KIF5C: variants seen among roughly 807,000 people sequenced by gnomAD.
KIF5C encodes kinesin heavy chain isoform 5C.
Under a neutral mutation model 125.2 loss-of-function variants are expected in KIF5C, and 18 were observed. The ratio of observed to expected loss-of-function variants is 0.14; its 90% CI spans 0.10 to 0.21. KIF5C has a LOEUF of 0.21. Among genes scored for constraint, KIF5C ranks in the 10% least tolerant of loss-of-function variants. The pLI is 1.00. For synonymous variants in KIF5C, 405 were observed against 434.0 expected (o/e 0.93, Z 0.83); for missense variants, 780 against 1,183.8 (o/e 0.66, Z 5.01).
chr2:148,981,350 C>T lies in KIF5C; in HGVS notation c.1363-5C>T, dbSNP rs1221558510. On this transcript the variant is annotated splice_region_variant and splice_polypyrimidine_tract_variant and intron_variant, in intron 13 of 25. Transcript: ENST00000435030. Reference sequence around the variant, plus strand: ...CACAAGTTCCATGCCATCTCATTTCCCCAGCTTTTAGCTTCCACAAGAAGA... The same window carrying T: ...CACAAGTTCCATGCCATCTCATTTCTCCAGCTTTTAGCTTCCACAAGAAGA... The T allele has an allele frequency of 1.2e-6, 2 of 1,604,730 alleles. No homozygotes were observed. The highest frequency in any genetic ancestry group is 1.7e-6 in the Non-Finnish European group (2 of 1,176,072).
Position 148,875,587 on chromosome 2 carries a change from T to TCC in KIF5C, c.-28_-27dup. On this transcript the variant is annotated 5_prime_UTR_variant, in exon 1 of 26. Transcript: ENST00000435030. ...GTTCCCGGCCCCGGCCCCCCACCCA[T>TCC]CCCCGTGCCCCCTCCCTACCGCCGG... 21 of 366,896 alleles carry TCC rather than the reference T, an allele frequency of 5.7e-5. No homozygotes were observed. Among genetic ancestry groups the TCC allele is most frequent in the Admixed American group, 4.0e-4 (9 of 22,572 alleles). The allele number at this position is 366,896 out of a possible 1,614,324, so 22.7% of individuals were successfully genotyped here. A position where few individuals can be genotyped will look rare whatever the true frequency, so the allele number is the denominator to read the frequency against.
chr2:148,976,726 C>T (rs988811636), intron 12 of KIF5C, among the ~76,000 whole-genome samples: 1 of 151,324 alleles, frequency 6.6e-6, no homozygotes, highest in Non-Finnish European at 1.5e-5. Flanking sequence ...AGGCACATAC[C>T]ACCACACTCA....
chr2:149,007,142 C>A (rs73962807), intron 22 of KIF5C, among the ~76,000 whole-genome samples: 8,616 of 152,256 alleles, frequency 0.057, 823 homozygotes, highest in African/African-American at 0.19. Flanking sequence ...TAAGTCTCAA[C>A]AAACCCTCCC....
chr2:148,878,847 T>G (rs938057493), intron 1 of KIF5C: 1 of 152,164 alleles, frequency 6.6e-6, no homozygotes. Flanking sequence ...CAGAGACAAG[T>G]AAAGAATGAA....
At chr2:148,982,620 A>G (rs185641552) in intron 14 of KIF5C, among the ~76,000 whole-genome samples, 2 of 152,356 alleles carry the variant, frequency 1.3e-5, no homozygotes, top group East Asian at 3.9e-4. Context: ...TTTAAAAACA[A>G]GATGACATAA....
chr2:149,015,551 A>G (rs1682335019), intron 25 of KIF5C, among the ~76,000 whole-genome samples: 1 of 152,230 alleles, frequency 6.6e-6, no homozygotes, highest in South Asian at 2.1e-4. Context: ...TCAGGGTTCA[A>G]GAATTATAGC....
intron 1 of KIF5C, among the ~76,000 whole-genome samples, chr2:148,910,149 A>G (rs1219611532): frequency 1.3e-5 from 2 of 152,260 alleles, no homozygotes; most frequent in Non-Finnish European, 2.9e-5. Context: ...AGGGAATCCA[A>G]AGATGGGTAA....
intron 25 of KIF5C, among the ~76,000 whole-genome samples, chr2:149,020,641 T>C (rs1410639323): frequency 6.6e-6 from 1 of 152,188 alleles, no homozygotes; most frequent in Non-Finnish European, 1.5e-5. Flanking sequence ...AGGTATGTGC[T>C]GGCACCTCTC....
intron 25 of KIF5C, among the ~76,000 whole-genome samples, chr2:149,016,830 G>T (rs1682375195): frequency 6.6e-6 from 1 of 152,124 alleles, no homozygotes; most frequent in African/African-American, 2.4e-5. Context: ...CTAGAGAAAA[G>T]GTGGGCACAG....
intron 1 of KIF5C, among the ~76,000 whole-genome samples, chr2:148,899,010 C>A (rs1248983714): frequency 1.3e-5 from 2 of 152,034 alleles, no homozygotes; most frequent in Admixed American, 1.3e-4. Context: ...CATTAATAAC[C>A]AAACATCTAG....
intron 12 of KIF5C, among the ~76,000 whole-genome samples, chr2:148,977,315 C>T (rs1681104527): frequency 6.6e-6 from 1 of 152,172 alleles, no homozygotes; most frequent in African/African-American, 2.4e-5. Context: ...ATGAGCACAG[C>T]GTAAGGACAG....
intron 25 of KIF5C, among the ~76,000 whole-genome samples, chr2:149,018,052 G>T (rs1037816745): frequency 1.3e-5 from 2 of 152,158 alleles, no homozygotes; most frequent in African/African-American, 2.4e-5. Context: ...ACTCTGAGAG[G>T]CTGAGGCAGC....
rs567802806 is a variant in KIF5C, at chr2:149,010,312, G to A, written c.2728G>A (p.Ala910Thr). The change falls in exon 24 of 26, where the codon GCC becomes ACC. Residue 910 changes from alanine to threonine, a missense_variant. Ala to Thr is a moderately conservative substitution (Grantham distance 58). Around this residue, in one of 2 missense-constraint regions of KIF5C, gnomAD observed 573 missense variants for 742.6 expected, o/e 0.77. Coordinates refer to ENST00000435030, the MANE Select transcript of KIF5C (RefSeq NM_004522.3). ...GGATCGTATCAAGGAGGCCGTGCGG[G>A]CCAAGAACATGGCCAGAAGGGCCCA... is the stretch of plus-strand genomic sequence containing the variant. ...EVDRIKEAVRAKNMARRAHSA... is the reference protein window; with the variant it reads ...EVDRIKEAVRTKNMARRAHSA... 3.1e-6 allele frequency: 5 copies of A among 1,593,626 alleles called. No homozygotes were observed. The highest frequency in any genetic ancestry group is 4.3e-6 in the Non-Finnish European group (5 of 1,170,558).
At chr2:148,947,275 G>A in intron 8 of KIF5C, 1 of 462,806 alleles carries the variant, frequency 2.2e-6, no homozygotes, top group Non-Finnish European at 3.7e-6. Context: ...CCCTTATGAT[G>A]ATATGAGGCA....
At chr2:148,930,079 T>C (rs556875042) in intron 3 of KIF5C, among the ~76,000 whole-genome samples, 11 of 152,336 alleles carry the variant, frequency 7.2e-5, no homozygotes, top group African/African-American at 2.6e-4. Context: ...TGGTACTGGC[T>C]CTGGCCACCC....
In KIF5C at chr2:148,981,414, G is replaced by A; in HGVS notation, c.1422G>A (p.Gln474=). The part of the protein sequence containing the change: ...EKIQEELTRL[Q]IENEAAKDEV... ...TACAGGAGGAGCTGACACGTCTCCA[G>A]ATTGAAAATGAGGCAGCCAAGGATG... is the stretch of plus-strand genomic sequence containing the variant. Residue 474 remains glutamine, a synonymous_variant, in exon 14 of 26, where the codon CAG becomes CAA. Transcript: ENST00000435030. The A allele has an allele frequency of 6.2e-7, 1 of 1,611,022 alleles. No homozygotes were observed. Among genetic ancestry groups the A allele is most frequent in the Non-Finnish European group, 8.5e-7 (1 of 1,178,716 alleles).
At chr2:148,956,041 A>AAATATG (rs1397688822) in intron 10 of KIF5C, among the ~76,000 whole-genome samples, 5 of 152,336 alleles carry the variant, frequency 3.3e-5, no homozygotes, top group African/African-American at 1.2e-4. Context: ...TGTGGCCAGG[A>AAATATG]AATATGAGTG....
intron 3 of KIF5C, chr2:148,935,088 A>G: frequency 2.4e-6 from 1 of 408,652 alleles, no homozygotes; most frequent in South Asian, 1.8e-5. Context: ...TGGGGATGGG[A>G]GGCATTATTA....
intron 1 of KIF5C, among the ~76,000 whole-genome samples, chr2:148,882,648 A>T (rs1276818863): frequency 1.3e-5 from 2 of 152,092 alleles, no homozygotes; most frequent in Non-Finnish European, 2.9e-5. Context: ...CTGTCCTCAA[A>T]GCTCACCTGC....
Sources: gnomAD v4.1 joint callset for allele counts (sites outside exome capture counted in the v4.1 genomes callset) on GRCh38, gnomAD v4.1.1 for gene constraint, gnomAD v4.1.1 regional missense constraint, MANE v1.5 for transcripts, NCBI Gene and HGNC (gene_info 2026-07-23, HGNC 2026-07-21) for gene names.